The following ANAPC10 variants were observed in gnomAD, a reference collection of about 807,000 sequenced individuals.
The protein encoded by ANAPC10 is anaphase promoting complex subunit 10.
Under a neutral mutation model 22.0 loss-of-function variants are expected in ANAPC10, and 12 were observed. That is an observed-to-expected ratio of 0.55 (90% CI 0.35 to 0.88). ANAPC10 has a LOEUF of 0.88. Among genes scored for constraint, ANAPC10 ranks in the 40% least tolerant of loss-of-function variants. The pLI is 0.01. For missense variants in ANAPC10, 188 were observed against 220.9 expected, an observed-to-expected ratio of 0.85 and a Z score of 0.94; for synonymous variants, 65 against 69.5, an observed-to-expected ratio of 0.94 and a Z score of 0.32.
chr4:145,088,815 T>A (rs1249102247), intron 2 of ANAPC10, among the ~76,000 whole-genome samples: 3 of 152,156 alleles, frequency 2.0e-5, no homozygotes, highest in African/African-American at 7.2e-5. Context: ...ATCAATACTC[T>A]TTTTCAGGGC....
intron 4 of ANAPC10, among the ~76,000 whole-genome samples, chr4:145,006,047 T>C (rs1002488558): frequency 6.6e-6 from 1 of 152,118 alleles, no homozygotes; most frequent in African/African-American, 2.4e-5. Context: ...ACTAACAGTG[T>C]GGTGTTAAAG....
chr4:145,028,777 A>G (rs941732217), intron 4 of ANAPC10, among the ~76,000 whole-genome samples: 1 of 152,216 alleles, frequency 6.6e-6, no homozygotes, highest in Admixed American at 6.5e-5. Flanking sequence ...ACTACACATA[A>G]TACCTTTGAC....
At chr4:145,007,044 C>T (rs1405716550) in intron 4 of ANAPC10, among the ~76,000 whole-genome samples, 2 of 151,788 alleles carry the variant, frequency 1.3e-5, no homozygotes, top group African/African-American at 2.4e-5. Flanking sequence ...GCGCGGGTCC[C>T]AAGATGGACG....
At chr4:145,079,863 CA>C (rs1745710455) in intron 3 of ANAPC10, among the ~76,000 whole-genome samples, 2 of 152,074 alleles carry the variant, frequency 1.3e-5, no homozygotes, top group African/African-American at 4.8e-5. Flanking sequence ...CGTATAATCC[CA>C]GCACTTTGGG....
intron 4 of ANAPC10, among the ~76,000 whole-genome samples, chr4:145,007,130 AT>A (rs1733497867): frequency 1.3e-5 from 2 of 152,174 alleles, no homozygotes; most frequent in Non-Finnish European, 2.9e-5. Context: ...GAGCACCCAG[AT>A]TCATAAAGCA....
Position 145,052,912 on chromosome 4 carries a change from C to G in ANAPC10, c.327+11660G>C, listed in dbSNP as rs1051179564. The stretch of plus-strand genomic sequence containing the variant: ...CAAAAAAAAAAAAAAAAGGGATACT[C>G]ATTTATTATAAAAATCACATTTCTT... On this transcript the variant is annotated intron_variant, in intron 4 of 4. Transcript: ENST00000507656. Among the ~76,000 whole-genome samples the G allele has an allele frequency of 4.0e-5, 6 of 151,404 alleles. No homozygotes were observed. The East Asian group carries it at 1.2e-3, about 29-fold the overall frequency.
At position 145,078,279 on chromosome 4, in the gene ANAPC10, C is replaced by CA. The variant is rs1203635159; in HGVS notation, c.206+3380dup. On this transcript the variant is annotated intron_variant, in intron 3 of 4. Coordinates refer to ENST00000507656, the MANE Select transcript of ANAPC10 (RefSeq NM_001256706.2). ...AACACAATTCCACTCAAAACAGCCACAAAAAAAAAAATAAAACACCTGGGA... is the reference window on the plus strand; with the variant it reads ...AACACAATTCCACTCAAAACAGCCACAAAAAAAAAAAATAAAACACCTGGGA... Among the ~76,000 whole-genome samples the CA allele has an allele frequency of 5.0e-3, 701 of 140,816 alleles. 6 individuals carry two copies. Among genetic ancestry groups the CA allele is most frequent in the African/African-American group, 0.015 (570 of 38,466 alleles). 92.4% of individuals were successfully genotyped at this position (140,816 alleles called of 152,430 possible).
At chr4:145,096,147 G>C in intron 1 of ANAPC10, 36 bp from the exon 2 acceptor site, 1 of 1,589,270 alleles carries the variant, frequency 6.3e-7, no homozygotes, top group East Asian at 2.2e-5. Context: ...ATTGTATCAG[G>C]AACTGGGCAT....
chr4:145,078,847 C>T (rs185426562), intron 3 of ANAPC10, among the ~76,000 whole-genome samples: 160 of 152,158 alleles, frequency 1.1e-3, no homozygotes, highest in Middle Eastern at 3.4e-3. Flanking sequence ...AAATCAGACC[C>T]CTCCCTTTCA....
chr4:145,010,788 C>T (rs1037969697), intron 4 of ANAPC10, among the ~76,000 whole-genome samples: 2 of 151,682 alleles, frequency 1.3e-5, no homozygotes, highest in African/African-American at 2.4e-5. Context: ...CAAACCTGCA[C>T]GTTGTGCACA....
intron 4 of ANAPC10, among the ~76,000 whole-genome samples, chr4:145,001,783 C>G (rs1732613229): frequency 1.3e-5 from 2 of 152,116 alleles, no homozygotes; most frequent in African/African-American, 4.8e-5. Flanking sequence ...CTCAGTCTGG[C>G]TTCTGGATCT....
chr4:144,999,720 A>G (rs1201834658), intron 4 of ANAPC10, among the ~76,000 whole-genome samples: 1 of 152,238 alleles, frequency 6.6e-6, no homozygotes, highest in African/African-American at 2.4e-5. Flanking sequence ...TTCATATGAA[A>G]CCAAAAAAGA....
At chr4:145,067,871 T>TCA (rs2126495263) in intron 3 of ANAPC10, among the ~76,000 whole-genome samples, 1 of 152,308 alleles carries the variant, frequency 6.6e-6, no homozygotes, top group Non-Finnish European at 1.5e-5. Flanking sequence ...TATGACTAAG[T>TCA]TATGGCCAGT....
intron 4 of ANAPC10, 35 bp from the exon 5 acceptor site, chr4:144,995,638 T>C (rs2126816934): frequency 7.2e-7 from 1 of 1,391,220 alleles, no homozygotes; most frequent in Non-Finnish European, 1.0e-6. Flanking sequence ...TATGCTTTTA[T>C]TCAACAAATA....
chr4:145,097,767 A>G, intron 1 of ANAPC10: 1 of 346,066 alleles, frequency 2.9e-6, no homozygotes, highest in South Asian at 2.2e-5. Flanking sequence ...TTACCTAAAA[A>G]AAGATAGAAA....
In ANAPC10 at chr4:145,048,331, A is replaced by G. The variant is rs1385530765; in HGVS notation, c.327+16241T>C. 2.0e-5 allele frequency among the ~76,000 whole-genome samples: 3 copies of G among 152,316 alleles called. No homozygotes were observed. In the East Asian group the frequency reaches 5.8e-4, roughly 29 times the overall value. ...TGGGCCCTGAAAAGAAATATGCCAT[A>G]ATATGACAAAATAAATAACTGAGGG... On this transcript the variant is annotated intron_variant, in intron 4 of 4. Transcript: ENST00000507656.
chr4:145,055,121 T>C (rs777365640), intron 4 of ANAPC10, among the ~76,000 whole-genome samples: 1 of 152,170 alleles, frequency 6.6e-6, no homozygotes, highest in Non-Finnish European at 1.5e-5. Context: ...TAAAGGATCT[T>C]AAGATAAGTG....
At chr4:145,026,957 G>GTGTGTGTATATATATATA (rs1343774253) in intron 4 of ANAPC10, among the ~76,000 whole-genome samples, 3 of 18,342 alleles carry the variant, frequency 1.6e-4, no homozygotes, top group Non-Finnish European at 2.5e-4. Flanking sequence ...GTGTGTGTGT[G>GTGTGTGTATATATATATA]TATATATATA....
rs551215349 is a variant in ANAPC10 at position 145,082,098 on chromosome 4, A to G, written c.116-348T>C. On this transcript the variant is annotated intron_variant, in intron 2 of 4. Coordinates refer to ENST00000507656, the MANE Select transcript of ANAPC10 (RefSeq NM_001256706.2). ...AATATCACTTGCACATACAAACCCT[A>G]TATTAGGATCAAGTTATTTTGTTGT... is the stretch of plus-strand genomic sequence containing the variant. Among the ~76,000 whole-genome samples, 6 of 152,264 alleles carry G rather than the reference A, an allele frequency of 3.9e-5. No homozygotes were observed. The South Asian group carries it at 8.3e-4, about 21-fold the overall frequency.
Sources: gnomAD v4.1 joint callset for allele counts (sites outside exome capture counted in the v4.1 genomes callset) on GRCh38, gnomAD v4.1.1 for gene constraint, MANE v1.5 for transcripts, NCBI Gene and HGNC (gene_info 2026-07-23, HGNC 2026-07-21) for gene names.